The following VTA1 variants were observed in gnomAD, a reference collection of about 807,000 sequenced individuals.
VTA1 encodes the protein vesicle trafficking 1.
VTA1 carries 24 observed loss-of-function variants against 36.9 expected under a neutral mutation model. The ratio of observed to expected loss-of-function variants is 0.65; its 90% confidence interval spans 0.47 to 0.91. The LOEUF (loss-of-function observed/expected upper bound fraction) is 0.91, where lower values mean the gene tolerates loss of function less well. Ranked by LOEUF, VTA1 falls within the 40% of genes least tolerant of loss-of-function variation. The pLI is 0.00. For synonymous variants in VTA1, 142 were observed against 130.2 expected (o/e 1.09, Z -0.62); for missense variants, 393 against 377.2 (o/e 1.04, Z -0.35).
Position 142,219,654 on chromosome 6 carries a change from A to T in VTA1, c.*1011A>T, listed in dbSNP as rs1274313944. 6.6e-6 allele frequency: 1 copy of T among 152,200 alleles called. No homozygotes were observed. The allele number at this position is 152,200 out of a possible 1,614,324, so 9.4% of individuals were successfully genotyped here. A position where few individuals can be genotyped will look rare whatever the true frequency, so the allele number is the denominator to read the frequency against. On this transcript the variant is annotated 3_prime_UTR_variant, in exon 8 of 8. Coordinates refer to ENST00000367630, the MANE Select transcript of VTA1 (RefSeq NM_016485.5). ...TTTGCCTGCTAGGATTGTCTTTTTTAAAAGTCATTTTTATTTATAGGAATA... is the reference window on the plus strand; with the variant it reads ...TTTGCCTGCTAGGATTGTCTTTTTTTAAAGTCATTTTTATTTATAGGAATA...
intron 1 of VTA1, among the ~76,000 whole-genome samples, chr6:142,151,331 G>T (rs1778564587): frequency 1.3e-5 from 2 of 152,116 alleles, no homozygotes; most frequent in Non-Finnish European, 1.5e-5. Flanking sequence ...GTCCTGTGTT[G>T]CAGTATTCTG....
intron 4 of VTA1, among the ~76,000 whole-genome samples, chr6:142,176,961 C>T (rs1211526167): frequency 2.0e-5 from 3 of 152,092 alleles, no homozygotes; most frequent in Non-Finnish European, 2.9e-5. Context: ...TAAGGGTATC[C>T]GTGTGTACTG....
chr6:142,181,094 A>AAAAAATATATAT (rs1471429927), intron 4 of VTA1, among the ~76,000 whole-genome samples: 21 of 36,436 alleles, frequency 5.8e-4, no homozygotes, highest in African/African-American at 1.4e-3. Context: ...AAAAAAAAAA[A>AAAAAATATATAT]ATATATATAT....
intron 6 of VTA1, among the ~76,000 whole-genome samples, chr6:142,200,774 CTCTG>C (rs1562267815): frequency 2.0e-5 from 3 of 151,912 alleles, no homozygotes; most frequent in African/African-American, 7.2e-5. Flanking sequence ...CTCTTGTTTT[CTCTG>C]TCTTTTGTTC....
At chr6:142,203,309 T>C (rs1037502623) in intron 6 of VTA1, among the ~76,000 whole-genome samples, 8 of 152,152 alleles carry the variant, frequency 5.3e-5, no homozygotes, top group Non-Finnish European at 1.0e-4. Context: ...TTAACTCCAT[T>C]GATTTGGAGT....
intron 7 of VTA1, among the ~76,000 whole-genome samples, chr6:142,211,722 A>AAG (rs1228734390): frequency 6.6e-6 from 1 of 152,034 alleles, no homozygotes; most frequent in East Asian, 1.9e-4. Flanking sequence ...TAAAAAAAAA[A>AAG]AAAAAAATGA....
chr6:142,194,541 AT>A (rs1775511883), intron 5 of VTA1, among the ~76,000 whole-genome samples: 2 of 151,948 alleles, frequency 1.3e-5, no homozygotes, highest in Non-Finnish European at 2.9e-5. Flanking sequence ...TAATTTTTTA[AT>A]TTGGTTTTCC....
At chr6:142,188,008 C>T (rs112292367) in intron 4 of VTA1, among the ~76,000 whole-genome samples, 3 of 148,266 alleles carry the variant, frequency 2.0e-5, no homozygotes, top group African/African-American at 5.0e-5. Context: ...CCTGGGTTCA[C>T]GTGATTCTCA....
Position 142,147,284 on chromosome 6 carries a change from A to C in VTA1, c.-4A>C. The C allele has an allele frequency of 2.5e-6, 4 of 1,614,170 alleles. No individual in the cohort carries two copies. Among genetic ancestry groups the C allele is most frequent in the Non-Finnish European group, 3.4e-6 (4 of 1,180,006 alleles). On this transcript the variant is annotated 5_prime_UTR_variant, in exon 1 of 8. Coordinates refer to ENST00000367630, the MANE Select transcript of VTA1 (RefSeq NM_016485.5). ...GAGTAGGAAGTGGTGAGTTCGGAGT[A>C]GAGATGGCCGCGCTTGCACCGCTGC...
At chr6:142,200,466 T>C (rs1775659006) in intron 6 of VTA1, among the ~76,000 whole-genome samples, 1 of 151,970 alleles carries the variant, frequency 6.6e-6, no homozygotes, top group African/African-American at 2.4e-5. Flanking sequence ...AGACAGTATA[T>C]CTCAAGGCAG....
intron 7 of VTA1, among the ~76,000 whole-genome samples, chr6:142,214,520 A>G (rs538200982): frequency 3.9e-5 from 6 of 152,324 alleles, no homozygotes; most frequent in African/African-American, 1.4e-4. Context: ...ATCCATCCCC[A>G]TGATCCACTC....
At chr6:142,171,377 G>A (rs1775026930) in intron 4 of VTA1, among the ~76,000 whole-genome samples, 1 of 152,200 alleles carries the variant, frequency 6.6e-6, no homozygotes, top group African/African-American at 2.4e-5. Flanking sequence ...TTACAGGCAT[G>A]AGCCAACACA....
chr6:142,192,958 A>G (rs983402042), intron 5 of VTA1, among the ~76,000 whole-genome samples: 11 of 152,114 alleles, frequency 7.2e-5, no homozygotes, highest in African/African-American at 2.4e-4. Context: ...ATCGAGAAGT[A>G]TAGTATTTAT....
chr6:142,208,606 C>T (rs151323220), intron 7 of VTA1, among the ~76,000 whole-genome samples: 1 of 152,152 alleles, frequency 6.6e-6, no homozygotes, highest in Non-Finnish European at 1.5e-5. Context: ...GATTCAACCC[C>T]CAAATAAGAC....
chr6:142,210,414 A>G (rs1775881308), intron 7 of VTA1, among the ~76,000 whole-genome samples: 1 of 152,230 alleles, frequency 6.6e-6, no homozygotes, highest in Non-Finnish European at 1.5e-5. Flanking sequence ...CAAATAAAGC[A>G]AAAATGGCCA....
chr6:142,163,165 C>T (rs1013660993), intron 1 of VTA1, among the ~76,000 whole-genome samples: 1 of 152,116 alleles, frequency 6.6e-6, no homozygotes, highest in Non-Finnish European at 1.5e-5. Context: ...TGTTAGTACA[C>T]CAATTCCATT....
chr6:142,183,865 T>G (rs1775292465), intron 4 of VTA1, among the ~76,000 whole-genome samples: 1 of 152,180 alleles, frequency 6.6e-6, no homozygotes, highest in Non-Finnish European at 1.5e-5. Context: ...ATACGTTGCT[T>G]TACTAAACTG....
At chr6:142,170,075 C>T (rs1398741793) in intron 3 of VTA1, among the ~76,000 whole-genome samples, 2 of 152,084 alleles carry the variant, frequency 1.3e-5, no homozygotes, top group Admixed American at 6.5e-5. Context: ...GATATGGAGT[C>T]AGATAATACT....
intron 1 of VTA1, among the ~76,000 whole-genome samples, chr6:142,158,098 A>AC (rs1297516312): frequency 6.6e-6 from 1 of 151,108 alleles, no homozygotes; most frequent in Admixed American, 6.6e-5. Flanking sequence ...AAATCTAAAT[A>AC]CCTATCAGTA....
Sources: allele counts gnomAD v4.1 joint callset (sites outside exome capture counted in the v4.1 genomes callset), GRCh38; gene constraint gnomAD v4.1.1; transcripts MANE v1.5; gene names NCBI Gene and HGNC (gene_info 2026-07-23, HGNC 2026-07-21).